The following CDIN1 variants were observed in gnomAD, a reference collection of about 807,000 sequenced individuals.
The protein encoded by CDIN1 is CDAN1-interacting nuclease 1.
A neutral mutation model predicts 45.3 loss-of-function variants in CDIN1; 33 were observed. That is an observed-to-expected ratio of 0.73 (90% CI 0.55 to 0.97). The LOEUF is 0.97. Ranked by LOEUF, CDIN1 falls within the 50% of genes least tolerant of loss-of-function variation. The probability of loss-of-function intolerance (pLI) is 0.00; values close to 1 mark genes in which losing one functional copy is unlikely to be tolerated. For synonymous variants in CDIN1, 118 were observed against 124.4 expected (o/e 0.95, Z 0.34); for missense variants, 303 against 339.4 (o/e 0.89, Z 0.84).
At chr15:36,671,400 G>A (rs1468916316) in intron 5 of CDIN1, among the ~76,000 whole-genome samples, 1 of 151,804 alleles carries the variant, frequency 6.6e-6, no homozygotes, top group African/African-American at 2.4e-5. Context: ...GTTGACAAGT[G>A]GATGAAAAAA....
At chr15:36,637,177 T>C (rs925950677) in intron 1 of CDIN1, among the ~76,000 whole-genome samples, 3 of 152,190 alleles carry the variant, frequency 2.0e-5, no homozygotes, top group African/African-American at 4.8e-5. Context: ...ACGTGTGTGA[T>C]CAATTTTATA....
intron 1 of CDIN1, among the ~76,000 whole-genome samples, chr15:36,626,311 G>A (rs2039421135): frequency 6.6e-6 from 1 of 151,068 alleles, no homozygotes; most frequent in African/African-American, 2.4e-5. Flanking sequence ...GAGAAGCACA[G>A]TCTGTGGGCC....
chr15:36,618,053 A>G, intron 1 of CDIN1: 1 of 770,386 alleles, frequency 1.3e-6, no homozygotes, highest in Non-Finnish European at 2.4e-6. Flanking sequence ...CTATAGTATT[A>G]TTCCTCAGTC....
intron 10 of CDIN1, chr15:36,798,742 T>C (rs906662935): frequency 1.3e-5 from 2 of 152,150 alleles, no homozygotes; most frequent in Non-Finnish European, 2.9e-5. Context: ...GAAACTCCAT[T>C]CCCTCCATTA....
At chr15:36,609,320 A>G (rs935236955) in intron 1 of CDIN1, among the ~76,000 whole-genome samples, 4 of 152,216 alleles carry the variant, frequency 2.6e-5, no homozygotes, top group African/African-American at 7.2e-5. Context: ...CTGGCCTATT[A>G]TATCTTGATC....
intron 1 of CDIN1, among the ~76,000 whole-genome samples, chr15:36,605,536 T>C (rs185555602): frequency 6.6e-6 from 1 of 152,342 alleles, no homozygotes; most frequent in African/African-American, 2.4e-5. Context: ...AATAAAAATT[T>C]TGGCTTCTGT....
chr15:36,684,930 C>G (rs1004611963), intron 5 of CDIN1, among the ~76,000 whole-genome samples: 7 of 151,140 alleles, frequency 4.6e-5, no homozygotes, highest in African/African-American at 1.2e-4. Context: ...GTGATATCCC[C>G]TTTATCATTT....
chr15:36,788,106 A>AT (rs1172040193), intron 10 of CDIN1, among the ~76,000 whole-genome samples: 4 of 50,552 alleles, frequency 7.9e-5, no homozygotes, highest in African/African-American at 3.1e-4. Flanking sequence ...ATATATATAT[A>AT]TTTTTTTTTT....
Position 36,692,132 on chromosome 15 carries a change from G to T in CDIN1, c.433G>T (p.Val145Leu), listed in dbSNP as rs1259879268. ...VLANQVYQCI[V>L]NDCCYGPLVD... ...TTTTCTTATTTGTCTGCAGTGCATT[G>T]TGAACGACTGCTGTTACGGACCACT... The change falls in exon 7 of 11, where the codon GTG becomes TTG. Residue 145 changes from valine to leucine, a missense_variant. Val to Leu is a conservative substitution (Grantham distance 32). Transcript: ENST00000566621. 11 of 1,613,618 alleles carry T rather than the reference G, an allele frequency of 6.8e-6. No individual in the cohort carries two copies. Among genetic ancestry groups the T allele is most frequent in the African/African-American group, 4.0e-5 (3 of 74,904 alleles).
rs532049574 is a variant in CDIN1, at chr15:36,765,110, C to T, written c.717-43214C>T. Among the ~76,000 whole-genome samples the T allele has an allele frequency of 1.1e-4, 16 of 140,488 alleles. No individual in the cohort carries two copies. The South Asian group carries it at 3.4e-3, about 30-fold the overall frequency. 92.2% of individuals were successfully genotyped at this position (140,488 alleles called of 152,430 possible). A position where few individuals can be genotyped will look rare whatever the true frequency, so the allele number is the denominator to read the frequency against. The stretch of plus-strand genomic sequence containing the variant: ...TCGCTCCGTCATTCAGGCTAGAGTG[C>T]AGTGGTGCGATCTCAGCTCACTGCA... On this transcript the variant is annotated intron_variant, in intron 10 of 10. Transcript: ENST00000566621.
intron 10 of CDIN1, among the ~76,000 whole-genome samples, chr15:36,722,629 G>T (rs1428899096): frequency 6.6e-6 from 1 of 152,124 alleles, no homozygotes; most frequent in Admixed American, 6.6e-5. Context: ...AGGAGCATAT[G>T]TTCCCATTTC....
chr15:36,681,767 T>G (rs2041859234), intron 5 of CDIN1, among the ~76,000 whole-genome samples: 1 of 152,202 alleles, frequency 6.6e-6, no homozygotes, highest in African/African-American at 2.4e-5. Flanking sequence ...AAAATGACCC[T>G]TAGCCTGTAA....
intron 1 of CDIN1, among the ~76,000 whole-genome samples, chr15:36,639,603 C>G (rs554930695): frequency 1.5e-4 from 23 of 152,218 alleles, no homozygotes; most frequent in Non-Finnish European, 2.9e-5. Flanking sequence ...AAACTGCCCC[C>G]CTCAAAAAAA....
intron 3 of CDIN1, among the ~76,000 whole-genome samples, chr15:36,648,049 C>T (rs8039409): frequency 0.99 from 151,069 of 152,162 alleles, 75,000 homozygotes; most frequent in Middle Eastern, 1. Flanking sequence ...CCGTGTTAGC[C>T]AGGATGGTCT....
At chr15:36,582,426 C>CTTGTT (rs1219597831) in intron 1 of CDIN1, among the ~76,000 whole-genome samples, 1 of 152,042 alleles carries the variant, frequency 6.6e-6, no homozygotes, top group Non-Finnish European at 1.5e-5. Context: ...TAGTGAAAGT[C>CTTGTT]TTGTTTTGTT....
At chr15:36,729,642 G>C (rs1185302503) in intron 10 of CDIN1, among the ~76,000 whole-genome samples, 1 of 152,184 alleles carries the variant, frequency 6.6e-6, no homozygotes, top group African/African-American at 2.4e-5. Context: ...GACATTATTA[G>C]TGAAATAAAG....
intron 2 of CDIN1, 64 bp downstream of exon 2, chr15:36,644,387 T>C: frequency 6.6e-7 from 1 of 1,518,418 alleles, no homozygotes. Context: ...TGTCCCTTTA[T>C]TTCTTTGTAA....
chr15:36,725,936 T>G (rs6495871), intron 10 of CDIN1, among the ~76,000 whole-genome samples: 76,839 of 151,704 alleles, frequency 0.51, 19,787 homozygotes, highest in East Asian at 0.67. Context: ...TATAAAATAA[T>G]TGCAATAATA....
At chr15:36,645,494 T>TG (rs1555388453) in intron 3 of CDIN1, among the ~76,000 whole-genome samples, 6 of 143,472 alleles carry the variant, frequency 4.2e-5, no homozygotes, top group East Asian at 2.1e-4. Flanking sequence ...CTGTCTTGAC[T>TG]TGTGTGTGTG....
Sources: allele counts gnomAD v4.1 joint callset (sites outside exome capture counted in the v4.1 genomes callset), GRCh38; gene constraint gnomAD v4.1.1; transcripts MANE v1.5; gene names NCBI Gene and HGNC (gene_info 2026-07-23, HGNC 2026-07-21).